Variants in CTSV observed in about 807,000 individuals in gnomAD.
CTSV encodes the protein cathepsin V, also known as cathepsin L2.
In CTSV, 33 loss-of-function variants were observed where a neutral mutation model predicts 35.6. The observed-to-expected ratio is 0.93, with a 90% CI of 0.70 to 1.24. The LOEUF (loss-of-function observed/expected upper bound fraction) is 1.24. CTSV is among the 50% of genes most tolerant of loss of function. The pLI is 0.00. For missense variants in CTSV, 408 were observed against 413.1 expected (o/e 0.99, Z 0.11); for synonymous variants, 154 against 147.1 (o/e 1.05, Z -0.34).
At chr9:97,034,638 T>C in intron 7 of CTSV, 88 bp downstream of exon 7, 2 of 994,766 alleles carry the variant, frequency 2.0e-6, no homozygotes, top group South Asian at 2.6e-5. Context: ...AAGAAAGACT[T>C]TCGGAATTTT....
rs756244129 is a variant in CTSV, at chr9:97,037,582, T to C, written c.160A>G (p.Lys54Glu). Residue 54 changes from lysine (K) to glutamate (E), a missense_variant, in exon 3 of 8, where the codon AAG (lysine) becomes GAG (glutamate). Physicochemically the swap from Lys to Glu is moderately conservative, Grantham distance 56. Coordinates refer to ENST00000259470, the MANE Select transcript of CTSV (RefSeq NM_001333.4). ...TGCAGTTCAATCATTTTCATATTCT[T>C]TTCCCACACTGCTCTCCTCCATCCT... ...EEGWRRAVWE[K>E]NMKMIELHNG... 6.2e-7 allele frequency: 1 copy of C among 1,614,182 alleles called. No individual in the cohort carries two copies. The highest frequency in any genetic ancestry group is 1.7e-5 in the Admixed American group (1 of 60,026).
rs1407953843 is a variant in CTSV at position 97,035,696 on chromosome 9, TTTAAAG to T, written c.622-9_622-4del. ...GGTCTGTACTTACAGATTTCATCCT[TTTAAAG>T]TTAAAGGGGGAGAGACTTGATCACT... On this transcript the variant is annotated splice_region_variant and splice_polypyrimidine_tract_variant and intron_variant, in intron 5 of 7. Transcript: ENST00000259470. The T allele has an allele frequency of 6.7e-7, 1 of 1,490,996 alleles. No homozygotes were observed. The highest frequency in any genetic ancestry group is 1.4e-5 in the African/African-American group (1 of 70,520). The allele number at this position is 1,490,996 out of a possible 1,614,324, so 92.4% of individuals were successfully genotyped here. A position where few individuals can be genotyped will look rare whatever the true frequency, so the allele number is the denominator to read the frequency against.
In CTSV at chr9:97,037,490, C is replaced by A; in HGVS notation, c.249+3G>T. The A allele has an allele frequency of 6.2e-7, 1 of 1,614,188 alleles. No homozygotes were observed. Among genetic ancestry groups the A allele is most frequent in the Non-Finnish European group, 8.5e-7 (1 of 1,180,020 alleles). On this transcript the variant is annotated splice_donor_region_variant and intron_variant, in intron 3 of 7. Transcript: ENST00000259470. Reference sequence around the variant, plus strand: ...AGAGTTCAGCAATCCTTGCCACACTCACCATGTCACCAAAAGCATTCATGG... The same window carrying A: ...AGAGTTCAGCAATCCTTGCCACACTAACCATGTCACCAAAAGCATTCATGG...
rs761511058 is a variant in CTSV at position 97,036,714 on chromosome 9, T to C, written c.430A>G (p.Thr144Ala). ...QCGSCWAFSA[T>A]GALEGQMFRK... ...AACATCTGTCCTTCAAGAGCACCAG[T>C]CGCACTAAAAGCCCAACAAGAACCA... is the stretch of plus-strand genomic sequence containing the variant. Residue 144 changes from threonine (T) to alanine (A), a missense_variant, in exon 5 of 8, where the codon ACT becomes GCT. Transcript: ENST00000259470. 6.2e-7 allele frequency: 1 copy of C among 1,611,900 alleles called. No individual in the cohort carries two copies. The highest frequency in any genetic ancestry group is 8.5e-7 in the Non-Finnish European group (1 of 1,179,466).
chr9:97,037,219 T>G, intron 4 of CTSV, 33 bp downstream of exon 4: 28 of 1,601,794 alleles, frequency 1.7e-5, no homozygotes, highest in Non-Finnish European at 2.3e-5. Flanking sequence ...GGCTTTCCTG[T>G]GGAGACAGGG....
chr9:97,034,812 T>C lies in CTSV; in HGVS notation c.819A>G (p.Lys273=). 2 of 1,614,110 alleles carry C rather than the reference T, an allele frequency of 1.2e-6. No individual in the cohort carries two copies. The highest frequency in any genetic ancestry group is 1.7e-6 in the Non-Finnish European group (2 of 1,180,020). The stretch of plus-strand genomic sequence containing the variant: ...CCACCAGAACACCATGATCCAGGTT[T>C]TTGCTGCTGCAGTCTGGTTCAAAAT... ...GIYFEPDCSS[K]NLDHGVLVVG... Residue 273 remains lysine, a synonymous_variant, in exon 7 of 8, where the codon AAA becomes AAG. Transcript: ENST00000259470.
In CTSV at chr9:97,029,703, T is replaced by G. The variant is rs1437314330; in HGVS notation, c.*3246A>C. 6.6e-6 allele frequency: 1 copy of G among 152,238 alleles called. No homozygotes were observed. The highest frequency in any genetic ancestry group is 1.5e-5 in the Non-Finnish European group (1 of 68,044). 9.4% of individuals were successfully genotyped at this position (152,238 alleles called of 1,614,324 possible). ...TGCAGCTTAGTAATAGTTTTACTTA[T>G]TAACTTACTTAAAAAGAGATAATGA... On this transcript the variant is annotated 3_prime_UTR_variant, in exon 8 of 8. Coordinates refer to ENST00000259470, the MANE Select transcript of CTSV (RefSeq NM_001333.4).
intron 4 of CTSV, 67 bp downstream of exon 4, chr9:97,037,185 C>A (rs1347990109): frequency 1.3e-6 from 2 of 1,526,264 alleles, no homozygotes; most frequent in East Asian, 4.5e-5. Context: ...CCATCTACCA[C>A]AGCAATGACA....
At chr9:97,033,209 G>A (rs1828784687) in intron 7 of CTSV, among the ~76,000 whole-genome samples, 161 bp from the exon 8 acceptor site, 1 of 152,156 alleles carries the variant, frequency 6.6e-6, no homozygotes, top group African/African-American at 2.4e-5. Context: ...GGGCACAGTG[G>A]CTCACGCCTG....
At position 97,033,013 on chromosome 9, in the gene CTSV, T is replaced by C; in HGVS notation, c.941A>G (p.Lys314Arg). Residue 314 changes from lysine (K) to arginine (R), a missense_variant, in exon 8 of 8, where the codon AAA becomes AGA. By Grantham distance (26) the Lys-to-Arg change is conservative. Coordinates refer to ENST00000259470, the MANE Select transcript of CTSV (RefSeq NM_001333.4). ...GPEWGSNGYVKIAKDKNNHCG... is the reference protein window; with the variant it reads ...GPEWGSNGYVRIAKDKNNHCG... ...GTGGTTGTTCTTGTCTTTGGCTATTTTTACATAGCCATTCGAGCCCCATTC... is the reference window on the plus strand; with the variant it reads ...GTGGTTGTTCTTGTCTTTGGCTATTCTTACATAGCCATTCGAGCCCCATTC... 2 of 1,613,432 alleles carry C rather than the reference T, an allele frequency of 1.2e-6. No individual in the cohort carries two copies. The highest frequency in any genetic ancestry group is 1.7e-6 in the Non-Finnish European group (2 of 1,179,682).
chr9:97,032,578 A>G lies in CTSV; in HGVS notation c.*371T>C, dbSNP rs2119226537. 6.0e-6 allele frequency: 1 copy of G among 165,564 alleles called. No homozygotes were observed. The highest frequency in any genetic ancestry group is 2.4e-5 in the African/African-American group (1 of 42,076). The allele number at this position is 165,564 out of a possible 1,614,324, so 10.3% of individuals were successfully genotyped here. On this transcript the variant is annotated 3_prime_UTR_variant, in exon 8 of 8. Transcript: ENST00000259470. ...ATCTTTCTCCTAACATACCATTGGC[A>G]CATGAAGTTATTATTTCAGAGCTTA... is the stretch of plus-strand genomic sequence containing the variant.
intron 6 of CTSV, 75 bp downstream of exon 6, chr9:97,035,453 G>T: frequency 1.7e-6 from 2 of 1,207,716 alleles, no homozygotes; most frequent in Non-Finnish European, 2.2e-6. Flanking sequence ...TGCAAAGCAG[G>T]ATGTCATATC....
chr9:97,037,399 C>T lies in CTSV; in HGVS notation c.250-1G>A, dbSNP rs375981795. On this transcript the variant is annotated splice_acceptor_variant, in intron 3 of 7. Coordinates refer to ENST00000259470, the MANE Select transcript of CTSV (RefSeq NM_001333.4). LOFTEE classifies it high-confidence loss of function. The stretch of plus-strand genomic sequence containing the variant: ...TCATCTGCCTGAATTCTTCATTGGT[C>T]TTCAAGGAGAAGTAAATAAAATGTT... The T allele has an allele frequency of 2.5e-6, 4 of 1,613,838 alleles. No individual in the cohort carries two copies. Among genetic ancestry groups the T allele is most frequent in the Non-Finnish European group, 3.4e-6 (4 of 1,179,968 alleles).
chr9:97,031,848 T>G lies in CTSV; in HGVS notation c.*1101A>C, dbSNP rs1264435436. On this transcript the variant is annotated 3_prime_UTR_variant, in exon 8 of 8. Coordinates refer to ENST00000259470, the MANE Select transcript of CTSV (RefSeq NM_001333.4). ...GAGATTTGTTAACCACACCATTTATTTTTGCTAACACTAGTTAACAAATAA... is the reference window on the plus strand; with the variant it reads ...GAGATTTGTTAACCACACCATTTATGTTTGCTAACACTAGTTAACAAATAA... The G allele has an allele frequency of 6.6e-6, 1 of 152,226 alleles. No individual in the cohort carries two copies. Among genetic ancestry groups the G allele is most frequent in the Non-Finnish European group, 1.5e-5 (1 of 68,050 alleles). 9.4% of individuals were successfully genotyped at this position (152,226 alleles called of 1,614,324 possible). A position where few individuals can be genotyped will look rare whatever the true frequency, so the allele number is the denominator to read the frequency against.
intron 2 of CTSV, 25 bp downstream of exon 2, chr9:97,037,893 C>G (rs755036879): frequency 2.5e-6 from 4 of 1,611,960 alleles, no homozygotes; most frequent in African/African-American, 1.3e-5. Flanking sequence ...CAGAGTCCCT[C>G]TGGACAGTTT....
Position 97,035,684 on chromosome 9 carries a change from A to G in CTSV, c.631T>C (p.Cys211Arg), listed in dbSNP as rs1828835977. ...ACAGAATTCTCAGGTCTGTACTTAC[A>G]GATTTCATCCTTTTAAAGTTAAAGG... ...SYPYVAVDEI[C>R]KYRPENSVAN... Residue 211 changes from cysteine (C) to arginine (R), a missense_variant, in exon 6 of 8, where the codon TGT becomes CGT. By Grantham distance (180) the Cys-to-Arg change is radical. Transcript: ENST00000259470. The G allele has an allele frequency of 6.6e-7, 1 of 1,526,276 alleles. No homozygotes were observed. Among genetic ancestry groups the G allele is most frequent in the African/African-American group, 1.4e-5 (1 of 71,400 alleles). The allele number at this position is 1,526,276 out of a possible 1,614,324, so 94.5% of individuals were successfully genotyped here.
intron 7 of CTSV, among the ~76,000 whole-genome samples, chr9:97,034,281 A>C (rs1214178578): frequency 6.6e-6 from 1 of 152,216 alleles, no homozygotes; most frequent in South Asian, 2.1e-4. Flanking sequence ...TCAAAGCCTG[A>C]GAGCTGGGGA....
chr9:97,037,218 G>A (rs747111038), intron 4 of CTSV, 34 bp downstream of exon 4: 2 of 1,601,156 alleles, frequency 1.2e-6, no homozygotes, highest in Non-Finnish European at 1.7e-6. Flanking sequence ...TGGCTTTCCT[G>A]TGGAGACAGG....
At chr9:97,036,850 A>C in intron 4 of CTSV, 103 bp from the exon 5 acceptor site, 41 of 1,023,086 alleles carry the variant, frequency 4.0e-5, no homozygotes, top group Non-Finnish European at 5.3e-5. Flanking sequence ...AAAAAAACCC[A>C]TCGCCACACT....
Sources: gnomAD v4.1 joint callset for allele counts (sites outside exome capture counted in the v4.1 genomes callset) on GRCh38, gnomAD v4.1.1 for gene constraint, MANE v1.5 for transcripts, NCBI Gene and HGNC (gene_info 2026-07-23, HGNC 2026-07-21) for gene names.